The following FUS variants were observed in gnomAD, a reference collection of about 807,000 sequenced individuals.
The protein encoded by FUS is FUS RNA binding protein, also known as RNA-binding protein FUS.
FUS carries 5 observed loss-of-function variants against 82.7 expected under a neutral mutation model. The ratio of observed to expected loss-of-function variants is 0.06; its 90% CI spans 0.03 to 0.13. FUS has a LOEUF of 0.13. Among genes scored for constraint, FUS ranks in the 10% least tolerant of loss-of-function variants. The pLI, the probability that FUS is intolerant of heterozygous loss-of-function variation, is 1.00. For missense variants in FUS, 512 were observed against 707.8 expected, an observed-to-expected ratio of 0.72 and a Z score of 3.14; for synonymous variants, 281 against 247.4, an observed-to-expected ratio of 1.14 and a Z score of -1.27.
chr16:31,192,497 C>T (rs1392281626), downstream of FUS: 10 of 515,566 alleles, frequency 1.9e-5, no homozygotes, highest in South Asian at 9.2e-5. Context: ...AGACAGCTGC[C>T]ATCACAAGCA....
chr16:31,193,280 C>T (rs776875178), downstream of FUS: 45 of 512,206 alleles, frequency 8.8e-5, no homozygotes, highest in African/African-American at 4.7e-4. Flanking sequence ...CAACAGTAGG[C>T]GGAGAGTGGT....
chr16:31,182,530 C>G lies in FUS; in HGVS notation c.56C>G (p.Thr19Ser), dbSNP rs1310122649. 1 of 1,614,184 alleles carries G rather than the reference C, an allele frequency of 6.2e-7. No homozygotes were observed. Among genetic ancestry groups the G allele is most frequent in the African/African-American group, 1.3e-5 (1 of 75,060 alleles). Residue 19 changes from threonine to serine, a missense_variant, in exon 3 of 15, where the codon ACC (threonine) becomes AGC (serine). Transcript: ENST00000254108. ...TTATTTAGCTATGGGGCCTACCCCACCCAGCCCGGGCAGGGCTATTCCCAG... is the reference window on the plus strand; with the variant it reads ...TTATTTAGCTATGGGGCCTACCCCAGCCAGCCCGGGCAGGGCTATTCCCAG... ...QATQSYGAYP[T>S]QPGQGYSQQS...
At chr16:31,190,502 C>T (rs762218802) in intron 12 of FUS, 104 bp downstream of exon 12, 72 of 1,549,936 alleles carry the variant, frequency 4.6e-5, no homozygotes, top group Non-Finnish European at 6.3e-5. Flanking sequence ...ATGTCAAGGC[C>T]ACACTGTTGG....
In FUS at chr16:31,185,176, T is replaced by C. The variant is rs1191646406; in HGVS notation, c.761T>C (p.Met254Thr). 6.2e-7 allele frequency: 1 copy of C among 1,607,018 alleles called. No individual in the cohort carries two copies. The highest frequency in any genetic ancestry group is 1.3e-5 in the African/African-American group (1 of 74,770). The change falls in exon 6 of 15, where the codon ATG becomes ACG. Residue 254 changes from methionine to threonine, a missense_variant. Transcript: ENST00000254108. Reference sequence around the variant, plus strand: ...GGTGGCCGTGGAGGCAGAGGTGGCATGGGGTAGGTGTCTCATGAGCCAGGG... The same window carrying C: ...GGTGGCCGTGGAGGCAGAGGTGGCACGGGGTAGGTGTCTCATGAGCCAGGG... Reference protein sequence around the residue: ...RGGGRGGRGGMGGSDRGGFNK... With the variant: ...RGGGRGGRGGTGGSDRGGFNK...
chr16:31,188,633 C>G, intron 8 of FUS: 1 of 561,784 alleles, frequency 1.8e-6, no homozygotes, highest in Non-Finnish European at 3.2e-6. Flanking sequence ...TGCGTCTGGA[C>G]CACACTCAGA....
chr16:31,190,971 T>C lies in FUS; in HGVS notation c.1402T>C (p.Tyr468His), dbSNP rs1324208198. The C allele has an allele frequency of 3.7e-6, 6 of 1,613,196 alleles. No homozygotes were observed. The highest frequency in any genetic ancestry group is 4.2e-6 in the Non-Finnish European group (5 of 1,179,566). The stretch of plus-strand genomic sequence containing the variant: ...TGTTTCTTTTGTCCTAGGGGGTAAC[T>C]ACGGGGATGATCGTCGTGGTGGCAG... ...GPGGSHMGGNYGDDRRGGRGG... is the reference protein window; with the variant it reads ...GPGGSHMGGNHGDDRRGGRGG... Residue 468 changes from tyrosine to histidine, a missense_variant, in exon 14 of 15, where the codon TAC (tyrosine) becomes CAC (histidine). This residue lies in a region of FUS where 96 missense variants were observed against 120.7 expected (regional missense o/e 0.80). Coordinates refer to ENST00000254108, the MANE Select transcript of FUS (RefSeq NM_004960.4).
At chr16:31,183,353 T>A (rs1332256976) in intron 3 of FUS, 1 of 165,972 alleles carries the variant, frequency 6.0e-6, no homozygotes, top group African/African-American at 2.4e-5. Flanking sequence ...TGGCTTTTAA[T>A]TTTTTTGACT....
intron 6 of FUS, chr16:31,185,947 C>T (rs1025308257): frequency 1.3e-5 from 3 of 238,926 alleles, no homozygotes; most frequent in Non-Finnish European, 2.5e-5. Context: ...GGACCCTACT[C>T]TGTCTCCCTT....
In FUS at chr16:31,184,402, A is replaced by G. The variant is rs898475240; in HGVS notation, c.523+6A>G. 4 of 1,554,066 alleles carry G rather than the reference A, an allele frequency of 2.6e-6. No homozygotes were observed. Among genetic ancestry groups the G allele is most frequent in the Non-Finnish European group, 3.5e-6 (4 of 1,127,094 alleles). ...AGGTGGAGGTGGAGGTGGAGGTGAG[A>G]TGTCTTCAGCTTTGTCTGCAGCCCA... On this transcript the variant is annotated splice_donor_region_variant and intron_variant, in intron 5 of 14. Transcript: ENST00000254108.
downstream of FUS, chr16:31,192,927 C>T (rs1475311914): frequency 2.1e-6 from 1 of 485,180 alleles, no homozygotes; most frequent in Admixed American, 2.3e-5. Context: ...AGAGTTGCTG[C>T]ATCCTTGAAT....
rs760946772 is a variant in FUS, at chr16:31,182,600, C to T, written c.126C>T (p.Ser42=). ...GACAGCAGAGTTACAGTGGTTATAGCCAGTCCACGGACACTTCAGGCTATG... is the reference window on the plus strand; with the variant it reads ...GACAGCAGAGTTACAGTGGTTATAGTCAGTCCACGGACACTTCAGGCTATG... ...PYGQQSYSGY[S]QSTDTSGYGQ... The change falls in exon 3 of 15, where the codon AGC becomes AGT. Residue 42 remains serine, a synonymous_variant. Transcript: ENST00000254108. 6.2e-7 allele frequency: 1 copy of T among 1,614,062 alleles called. No homozygotes were observed. The highest frequency in any genetic ancestry group is 8.5e-7 in the Non-Finnish European group (1 of 1,180,024).
Position 31,190,090 on chromosome 16 carries a change from G to A in FUS, c.1117G>A (p.Ala373Thr), listed in dbSNP as rs1304026062. 6.2e-7 allele frequency: 1 copy of A among 1,614,064 alleles called. No homozygotes were observed. ...PIKVSFATRR[A>T]DFNRGGGNGR... ...CAAGGTCTCATTTGCTACTCGCCGG[G>A]CAGACTTTAATCGGGGTGGTGGCAA... Residue 373 changes from alanine (A) to threonine (T), a missense_variant, in exon 11 of 15, where the codon GCA (alanine) becomes ACA (threonine). By Grantham distance (58) the Ala-to-Thr change is moderately conservative. Around this residue, in one of 6 missense-constraint regions of FUS, gnomAD observed 26 missense variants for 109.3 expected, o/e 0.24. Coordinates refer to ENST00000254108, the MANE Select transcript of FUS (RefSeq NM_004960.4).
rs978922046 is a variant in FUS at position 31,188,456 on chromosome 16, T to A, written c.832+99T>A. The A allele has an allele frequency of 3.1e-6, 4 of 1,307,214 alleles. No individual in the cohort carries two copies. In the African/African-American group the frequency reaches 5.8e-5, roughly 19 times the overall value. 81.0% of individuals were successfully genotyped at this position (1,307,214 alleles called of 1,614,324 possible). ...ATTATAAAAAGGAAACTGAAAAAAA[T>A]GGGGATAGAGAAGGAAGGGAGTTAG... On this transcript the variant is annotated intron_variant, in intron 8 of 14. Transcript: ENST00000254108.
chr16:31,182,471 C>T lies in FUS; in HGVS notation c.39-42C>T, dbSNP rs763421698. ...AGAGTTTGTAGAGGGCAAGGGTGGT[C>T]ACGCCATGTTTTCTGATCACGCTGG... On this transcript the variant is annotated intron_variant, in intron 2 of 14. Coordinates refer to ENST00000254108, the MANE Select transcript of FUS (RefSeq NM_004960.4). 3.7e-6 allele frequency: 6 copies of T among 1,614,012 alleles called. No individual in the cohort carries two copies. The Admixed American group carries it at 8.3e-5, about 22-fold the overall frequency.
chr16:31,184,823 TTTTTACTTTC>T (rs398058197), intron 5 of FUS, 106 bp from the exon 6 acceptor site: 9 of 508,534 alleles, frequency 1.8e-5, no homozygotes, highest in Admixed American at 4.8e-5. Flanking sequence ...CCTAGCTGTC[TTTTTACTTTC>T]TTTTGTCCTT....
downstream of FUS, chr16:31,192,205 C>CT (rs1567480375): frequency 3.8e-6 from 2 of 527,506 alleles, no homozygotes; most frequent in Non-Finnish European, 3.7e-6. Flanking sequence ...ACTCAGAGGG[C>CT]TTGAGGTCAT....
intron 11 of FUS, 65 bp from the exon 12 acceptor site, chr16:31,190,210 T>C (rs1959462078): frequency 6.2e-7 from 1 of 1,613,842 alleles, no homozygotes; most frequent in Middle Eastern, 1.6e-4. Context: ...AAGGCTTGCA[T>C]GGAATGGGTT....
At chr16:31,190,005 A>G (rs2079329353) in intron 10 of FUS, 35 bp from the exon 11 acceptor site, 1 of 1,587,344 alleles carries the variant, frequency 6.3e-7, no homozygotes, top group South Asian at 1.1e-5. Context: ...TGTGTCTTGC[A>G]TTTAAAGTCT....
chr16:31,190,711 C>T, intron 12 of FUS, 31 bp from the exon 13 acceptor site: 1 of 1,593,250 alleles, frequency 6.3e-7, no homozygotes, highest in South Asian at 1.1e-5. Flanking sequence ...TTCCCCATCG[C>T]TCCAGACTGA....
Sources: gnomAD v4.1 joint callset for allele counts on GRCh38, gnomAD v4.1.1 for gene constraint, gnomAD v4.1.1 regional missense constraint, MANE v1.5 for transcripts, NCBI Gene and HGNC (gene_info 2026-07-23, HGNC 2026-07-21) for gene names.